Variants in PRKCB observed in about 807,000 individuals in gnomAD.
The protein encoded by PRKCB is protein kinase C beta type.
Under a neutral mutation model 81.5 loss-of-function variants are expected in PRKCB, and 13 were observed. The observed-to-expected ratio is 0.16, with a 90% CI of 0.10 to 0.25. The LOEUF (loss-of-function observed/expected upper bound fraction) is 0.25. PRKCB is among the 10% of genes least tolerant of loss of function. PRKCB has a pLI of 1.00. For synonymous variants in PRKCB, 335 were observed against 321.4 expected (o/e 1.04, Z -0.45); for missense variants, 509 against 875.7 (o/e 0.58, Z 5.29).
Position 24,218,722 on chromosome 16 carries a change from A to G in PRKCB, c.*3906A>G, listed in dbSNP as rs1968272037. On this transcript the variant is annotated 3_prime_UTR_variant, in exon 17 of 17. Transcript: ENST00000643927. The stretch of plus-strand genomic sequence containing the variant: ...CTGGGTGGTGATGGCTCAAACGCTA[A>G]TGAGTCAGTGAATCCTTACCGACCC... 5 of 985,366 alleles carry G rather than the reference A, an allele frequency of 5.1e-6. No homozygotes were observed. Among genetic ancestry groups the G allele is most frequent in the African/African-American group, 1.7e-5 (1 of 57,234 alleles). The allele number at this position is 985,366 out of a possible 1,614,324, so 61.0% of individuals were successfully genotyped here.
chr16:23,876,989 G>C (rs34607715), intron 2 of PRKCB, among the ~76,000 whole-genome samples: 217 of 8,190 alleles, frequency 0.026, no homozygotes, highest in African/African-American at 0.069. Flanking sequence ...GAAGGATATG[G>C]GGGGGGAGGG....
At chr16:24,204,014 G>A (rs763746254) in intron 16 of PRKCB, among the ~76,000 whole-genome samples, 30 of 151,820 alleles carry the variant, frequency 2.0e-4, no homozygotes, top group Non-Finnish European at 2.2e-4. Flanking sequence ...AATTGGGATG[G>A]GAATATGGGT....
chr16:24,029,764 G>A (rs1965527989), intron 3 of PRKCB, among the ~76,000 whole-genome samples: 1 of 152,164 alleles, frequency 6.6e-6, no homozygotes, highest in African/African-American at 2.4e-5. Flanking sequence ...GGCATCTGTG[G>A]CAGCATCAAT....
chr16:24,180,130 A>G (rs1315272839), intron 12 of PRKCB, among the ~76,000 whole-genome samples: 1 of 151,770 alleles, frequency 6.6e-6, no homozygotes, highest in Non-Finnish European at 1.5e-5. Flanking sequence ...TTTTTACTAG[A>G]GACGGGGTTT....
chr16:23,884,088 C>A (rs994131664), intron 2 of PRKCB, among the ~76,000 whole-genome samples: 2 of 152,212 alleles, frequency 1.3e-5, no homozygotes, highest in Non-Finnish European at 2.9e-5. Flanking sequence ...CTCAATTCAA[C>A]CACACTTCAA....
chr16:24,191,014 G>C, intron 15 of PRKCB, 76 bp from the exon 16 acceptor site: 1 of 1,504,970 alleles, frequency 6.6e-7, no homozygotes, highest in South Asian at 1.2e-5. Flanking sequence ...CTAATGCATT[G>C]GAGTAATAAT....
At chr16:24,171,891 G>A (rs972911234) in intron 10 of PRKCB, among the ~76,000 whole-genome samples, 8 of 152,152 alleles carry the variant, frequency 5.3e-5, no homozygotes, top group African/African-American at 7.2e-5. Flanking sequence ...CTGCCACCAC[G>A]ATTCGCTAAT....
chr16:24,092,248 G>A (rs1032143946), intron 5 of PRKCB, among the ~76,000 whole-genome samples: 2 of 152,078 alleles, frequency 1.3e-5, no homozygotes, highest in African/African-American at 4.8e-5. Flanking sequence ...ACCTGTTTGG[G>A]ATGTTTCATG....
intron 2 of PRKCB, among the ~76,000 whole-genome samples, chr16:23,978,207 A>G (rs1422052602): frequency 6.6e-6 from 1 of 152,174 alleles, no homozygotes; most frequent in Non-Finnish European, 1.5e-5. Flanking sequence ...ACGACTCTGG[A>G]CCAGTGAACC....
intron 7 of PRKCB, among the ~76,000 whole-genome samples, chr16:24,110,128 A>ACCGTG (rs1473197960): frequency 0.019 from 1,508 of 79,488 alleles, no homozygotes; most frequent in Middle Eastern, 0.053. Context: ...GGAGAGGGAG[A>ACCGTG]GGGAGAGGGA....
Position 24,215,077 on chromosome 16 carries a change from A to C in PRKCB, c.*261A>C. 1 of 1,207,602 alleles carries C rather than the reference A, an allele frequency of 8.3e-7. No homozygotes were observed. Among genetic ancestry groups the C allele is most frequent in the Non-Finnish European group, 1.0e-6 (1 of 963,622 alleles). 74.8% of individuals were successfully genotyped at this position (1,207,602 alleles called of 1,614,324 possible). ...CCTCTTACAATTTATTTTCCGCAGC[A>C]TGTCAGCTAAGTAGACCCAATGGGG... On this transcript the variant is annotated 3_prime_UTR_variant, in exon 17 of 17. Transcript: ENST00000643927.
chr16:24,097,168 C>A (rs928501036), intron 7 of PRKCB, among the ~76,000 whole-genome samples: 1 of 151,460 alleles, frequency 6.6e-6, no homozygotes, highest in Non-Finnish European at 1.5e-5. Context: ...TCCCGAGTAG[C>A]TGGGACTACA....
chr16:24,123,883 A>C lies in PRKCB; in HGVS notation c.967A>C (p.Asn323His). The C allele has an allele frequency of 6.2e-7, 1 of 1,614,208 alleles. No individual in the cohort carries two copies. The highest frequency in any genetic ancestry group is 1.1e-5 in the South Asian group (1 of 91,082). ...GTKVPEEKTTNTVSKFDNNGN... is the reference protein window; with the variant it reads ...GTKVPEEKTTHTVSKFDNNGN... ...CAAGGTCCCGGAAGAAAAGACGACC[A>C]ACACTGTCTCCAAATTTGACAACAA... The change falls in exon 9 of 17, where the codon AAC becomes CAC. Residue 323 changes from asparagine (N) to histidine (H), a missense_variant. By Grantham distance (68) the Asn-to-His change is moderately conservative (BLOSUM62 1). This residue lies in a region of PRKCB where 80 missense variants were observed against 89.4 expected (regional missense o/e 0.90). Transcript: ENST00000643927.
intron 3 of PRKCB, among the ~76,000 whole-genome samples, chr16:23,991,271 G>A (rs1259466975): frequency 6.6e-6 from 1 of 152,166 alleles, no homozygotes; most frequent in African/African-American, 2.4e-5. Flanking sequence ...TGTGGTAATT[G>A]AGGTTAAGAA....
At chr16:24,094,805 GAGGGAGGA>G (rs1436681644) in intron 7 of PRKCB, among the ~76,000 whole-genome samples, 8 of 121,724 alleles carry the variant, frequency 6.6e-5, no homozygotes, top group African/African-American at 2.6e-4. Flanking sequence ...TGAAGGAAGG[GAGGGAGGA>G]AGGAAGGAAG....
At chr16:24,164,547 G>A in intron 10 of PRKCB, among the ~76,000 whole-genome samples, 1 of 152,174 alleles carries the variant, frequency 6.6e-6, no homozygotes, top group Admixed American at 6.5e-5. Context: ...GAGAAAGATG[G>A]TGAGTTTGCC....
At chr16:24,186,010 T>C (rs1967699157) in intron 15 of PRKCB, among the ~76,000 whole-genome samples, 1 of 152,214 alleles carries the variant, frequency 6.6e-6, no homozygotes, top group Admixed American at 6.5e-5. Context: ...CCACGCCGTG[T>C]TGAGGTTAAG....
Position 23,836,168 on chromosome 16 carries a change from C to A in PRKCB, c.-8C>A. 6.6e-7 allele frequency: 1 copy of A among 1,526,654 alleles called. No homozygotes were observed. The highest frequency in any genetic ancestry group is 1.2e-5 in the South Asian group (1 of 83,526). 94.6% of individuals were successfully genotyped at this position (1,526,654 alleles called of 1,614,324 possible). ...GCACCTCTCGGGCTCCGGCTCCCCG[C>A]GCGCAAGATGGCTGACCCGGCTGCG... On this transcript the variant is annotated 5_prime_UTR_variant, in exon 1 of 17. Coordinates refer to ENST00000643927, the MANE Select transcript of PRKCB (RefSeq NM_002738.7).
In PRKCB at chr16:24,031,953, T is replaced by C. The variant is rs898149355; in HGVS notation, c.289-183T>C. ...TCATCTGTCTTTGTCCTTCATTCCTTCCACAACTATTTATCCAGCACCGTT... is the reference window on the plus strand; with the variant it reads ...TCATCTGTCTTTGTCCTTCATTCCTCCCACAACTATTTATCCAGCACCGTT... On this transcript the variant is annotated intron_variant, in intron 3 of 16. Transcript: ENST00000643927. 3.5e-5 allele frequency: 18 copies of C among 520,268 alleles called. No homozygotes were observed. The Admixed American group carries it at 5.8e-4, about 17-fold the overall frequency. 32.2% of individuals were successfully genotyped at this position (520,268 alleles called of 1,614,324 possible).
Sources: allele counts gnomAD v4.1 joint callset (sites outside exome capture counted in the v4.1 genomes callset), GRCh38; gene constraint gnomAD v4.1.1; regional missense constraint gnomAD v4.1.1; transcripts MANE v1.5; gene names NCBI Gene and HGNC (gene_info 2026-07-23, HGNC 2026-07-21).